CAPZA1: variants seen among roughly 807,000 people sequenced by gnomAD.
CAPZA1 encodes F-actin-capping protein subunit alpha-1.
A neutral mutation model predicts 40.8 loss-of-function variants in CAPZA1; 10 were observed. That is an observed-to-expected ratio of 0.25 (90% CI 0.15 to 0.42). CAPZA1 has a LOEUF of 0.42. Among genes scored for constraint, CAPZA1 ranks in the 10% least tolerant of loss-of-function variants. The pLI, the probability that CAPZA1 is intolerant of heterozygous loss-of-function variation, is 1.00. For synonymous variants in CAPZA1, 98 were observed against 115.0 expected (o/e 0.85, Z 0.95); for missense variants, 277 against 353.8 (o/e 0.78, Z 1.74).
At chr1:112,658,070 C>T (rs1335190765) in intron 5 of CAPZA1, among the ~76,000 whole-genome samples, 1 of 152,182 alleles carries the variant, frequency 6.6e-6, no homozygotes, top group African/African-American at 2.4e-5. Flanking sequence ...AGGCAAGAAG[C>T]TTTGTGAACT....
At chr1:112,629,444 G>A (rs1670878244) in intron 1 of CAPZA1, among the ~76,000 whole-genome samples, 1 of 152,162 alleles carries the variant, frequency 6.6e-6, no homozygotes, top group Non-Finnish European at 1.5e-5. Context: ...TTACCCACTA[G>A]AATGTAAACT....
In CAPZA1 at chr1:112,619,840, C is replaced by T. The variant is rs1252160114; in HGVS notation, c.-5C>T. On this transcript the variant is annotated 5_prime_UTR_variant, in exon 1 of 10. Transcript: ENST00000263168. ...CGTAGCCGGGCTGGGCCAGAACAGC[C>T]CAAGATGGCCGACTTCGATGATCGT... The T allele has an allele frequency of 5.0e-6, 8 of 1,612,784 alleles. No individual in the cohort carries two copies. The highest frequency in any genetic ancestry group is 6.8e-6 in the Non-Finnish European group (8 of 1,179,524).
Position 112,653,585 on chromosome 1 carries a change from T to TA in CAPZA1, c.156-4dup, listed in dbSNP as rs3215019. 19,584 of 1,445,726 alleles carry TA rather than the reference T, an allele frequency of 0.014. 1,110 individuals carry two copies. In the African/African-American group the frequency reaches 0.15, roughly 11 times the overall value. The allele number at this position is 1,445,726 out of a possible 1,614,324, so 89.6% of individuals were successfully genotyped here. On this transcript the variant is annotated splice_polypyrimidine_tract_variant and intron_variant, in intron 3 of 9. Transcript: ENST00000263168. ...TTTTTTTTTTTTTTTAAAAAACTTT[T>TA]AAAAAAAAACAGTGCATTTGCCCAG...
At chr1:112,654,772 C>A in intron 5 of CAPZA1, 101 bp downstream of exon 5, 1 of 716,342 alleles carries the variant, frequency 1.4e-6, no homozygotes, top group Non-Finnish European at 2.3e-6. Context: ...TCTTCTTAGC[C>A]ATGCTCTCTT....
At chr1:112,653,574 T>TA (rs66520135) in intron 3 of CAPZA1, 24 bp from the exon 4 acceptor site, 15 of 1,127,756 alleles carry the variant, frequency 1.3e-5, no homozygotes, top group African/African-American at 8.6e-5. Context: ...TTTTTTTTTT[T>TA]AAAAAACTTT....
chr1:112,648,076 A>G (rs1275606759), intron 2 of CAPZA1, among the ~76,000 whole-genome samples: 2 of 152,206 alleles, frequency 1.3e-5, no homozygotes, highest in Non-Finnish European at 2.9e-5. Flanking sequence ...GAGGAACTGT[A>G]TGATATTCCT....
intron 1 of CAPZA1, among the ~76,000 whole-genome samples, chr1:112,628,818 T>G (rs146163010): frequency 4.0e-4 from 61 of 152,340 alleles, no homozygotes; most frequent in African/African-American, 1.5e-3. Flanking sequence ...TATCTTTGAC[T>G]ACTATTTCTT....
chr1:112,649,515 A>G lies in CAPZA1; in HGVS notation c.155+46A>G, dbSNP rs1424227556. The G allele has an allele frequency of 4.2e-6, 6 of 1,427,562 alleles. No individual in the cohort carries two copies. In the Admixed American group the frequency reaches 8.5e-5, roughly 20 times the overall value. 88.4% of individuals were successfully genotyped at this position (1,427,562 alleles called of 1,614,324 possible). A position where few individuals can be genotyped will look rare whatever the true frequency, so the allele number is the denominator to read the frequency against. ...ACTTAGAATGTTACTCTAACATTGG[A>G]TAAACTATGTTGACAGTAAACTAGC... is the stretch of plus-strand genomic sequence containing the variant. On this transcript the variant is annotated intron_variant, in intron 3 of 9. Coordinates refer to ENST00000263168, the MANE Select transcript of CAPZA1 (RefSeq NM_006135.3).
rs1243114142 is a variant in CAPZA1, at chr1:112,652,355, G to GGGTACCT, written c.156-1242_156-1241insGTACCTG. Among the ~76,000 whole-genome samples, 20 of 149,558 alleles carry GGGTACCT rather than the reference G, an allele frequency of 1.3e-4. No individual in the cohort carries two copies. The South Asian group carries it at 2.8e-3, about 21-fold the overall frequency. On this transcript the variant is annotated intron_variant, in intron 3 of 9. Coordinates refer to ENST00000263168, the MANE Select transcript of CAPZA1 (RefSeq NM_006135.3). ...AAATTAGCTGGGCATGGTGGCACATGGTAATCCCAGCTACTCTGGAGGCTG... is the reference window on the plus strand; with the variant it reads ...AAATTAGCTGGGCATGGTGGCACATGGGTACCTGTAATCCCAGCTACTCTGGAGGCTG...
At chr1:112,619,993 C>T in intron 1 of CAPZA1, 110 bp downstream of exon 1, 2 of 862,212 alleles carry the variant, frequency 2.3e-6, no homozygotes, top group East Asian at 2.7e-5. Flanking sequence ...GCTTCTTGGT[C>T]CATGCTGACA....
intron 6 of CAPZA1, 102 bp from the exon 7 acceptor site, chr1:112,659,599 T>A: frequency 1.2e-6 from 1 of 807,664 alleles, no homozygotes; most frequent in Non-Finnish European, 2.0e-6. Context: ...TTTTTTTTTC[T>A]TTTTTTGCAC....
At chr1:112,633,756 T>C (rs1670965620) in intron 1 of CAPZA1, among the ~76,000 whole-genome samples, 1 of 152,216 alleles carries the variant, frequency 6.6e-6, no homozygotes, top group South Asian at 2.1e-4. Flanking sequence ...AGACTTGTTA[T>C]CATTTGTCTT....
At chr1:112,666,976 C>T (rs1671735266) in intron 7 of CAPZA1, 98 bp from the exon 8 acceptor site, 1 of 739,942 alleles carries the variant, frequency 1.4e-6, no homozygotes, top group South Asian at 1.9e-5. Flanking sequence ...TAAAATGGCT[C>T]ATCAACTTAA....
chr1:112,635,616 T>TA (rs1478070839), intron 1 of CAPZA1, among the ~76,000 whole-genome samples: 1 of 152,062 alleles, frequency 6.6e-6, no homozygotes, highest in Non-Finnish European at 1.5e-5. Context: ...TTTGCATTTT[T>TA]AGCAGAGACA....
At chr1:112,659,170 C>A in intron 6 of CAPZA1, 69 bp downstream of exon 6, 1 of 991,616 alleles carries the variant, frequency 1.0e-6, no homozygotes, top group Non-Finnish European at 1.6e-6. Flanking sequence ...GTTTTTAATC[C>A]AACTAGCTTG....
intron 5 of CAPZA1, 134 bp downstream of exon 5, chr1:112,654,805 A>T (rs2101174110): frequency 1.8e-6 from 1 of 540,826 alleles, no homozygotes; most frequent in Middle Eastern, 4.1e-4. Context: ...TTATTCCCTA[A>T]ATCATTTTGG....
chr1:112,651,163 T>C (rs1671379010), intron 3 of CAPZA1, among the ~76,000 whole-genome samples: 1 of 152,238 alleles, frequency 6.6e-6, no homozygotes, highest in Non-Finnish European at 1.5e-5. Flanking sequence ...TTACCATCTT[T>C]CCTGGATTTC....
In CAPZA1 at chr1:112,670,337, T is replaced by C. The variant is rs1262735257; in HGVS notation, c.*205T>C. The C allele has an allele frequency of 4.2e-6, 2 of 480,690 alleles. No individual in the cohort carries two copies. Among genetic ancestry groups the C allele is most frequent in the Non-Finnish European group, 7.4e-6 (2 of 270,120 alleles). The allele number at this position is 480,690 out of a possible 1,614,324, so 29.8% of individuals were successfully genotyped here. A position where few individuals can be genotyped will look rare whatever the true frequency, so the allele number is the denominator to read the frequency against. On this transcript the variant is annotated 3_prime_UTR_variant, in exon 10 of 10. Coordinates refer to ENST00000263168, the MANE Select transcript of CAPZA1 (RefSeq NM_006135.3). ...CTGCCTTGTAATTTTCTGTTACTGC[T>C]ATATCTACGTGTAAATCTTTTTTTC... is the stretch of plus-strand genomic sequence containing the variant.
intron 7 of CAPZA1, among the ~76,000 whole-genome samples, chr1:112,660,633 A>C (rs140164996): frequency 2.6e-5 from 4 of 152,270 alleles, no homozygotes; most frequent in Admixed American, 2.6e-4. Flanking sequence ...TGAATAAGAT[A>C]GCTGTTAACT....
Sources: gnomAD v4.1 joint callset for allele counts (sites outside exome capture counted in the v4.1 genomes callset) on GRCh38, gnomAD v4.1.1 for gene constraint, MANE v1.5 for transcripts, NCBI Gene and HGNC (gene_info 2026-07-23, HGNC 2026-07-21) for gene names.